BTLA: variants seen among roughly 807,000 people sequenced by gnomAD.
The protein encoded by BTLA is B- and T-lymphocyte attenuator.
A neutral mutation model predicts 25.0 loss-of-function variants in BTLA; 11 were observed. That is an observed-to-expected ratio of 0.44 (90% CI 0.28 to 0.73). The LOEUF is 0.73. Among genes scored for constraint, BTLA ranks in the 30% least tolerant of loss-of-function variants. BTLA has a pLI of 0.15. For synonymous variants in BTLA, 104 were observed against 119.8 expected, an observed-to-expected ratio of 0.87 and a Z score of 0.86; for missense variants, 282 against 332.8, an observed-to-expected ratio of 0.85 and a Z score of 1.19.
At chr3:112,490,612 C>T (rs932869450) in intron 1 of BTLA, among the ~76,000 whole-genome samples, 1 of 150,686 alleles carries the variant, frequency 6.6e-6, no homozygotes, top group Non-Finnish European at 1.5e-5. Context: ...TAAACACACA[C>T]ACACACACAC....
At chr3:112,483,186 T>C (rs1012282542) in intron 1 of BTLA, among the ~76,000 whole-genome samples, 11 of 148,478 alleles carry the variant, frequency 7.4e-5, no homozygotes, top group African/African-American at 2.5e-4. Context: ...TTCACTCTTG[T>C]TGCACAGGCT....
intron 1 of BTLA, among the ~76,000 whole-genome samples, chr3:112,490,142 G>A (rs2082372206): frequency 1.3e-5 from 2 of 152,186 alleles, no homozygotes; most frequent in Non-Finnish European, 2.9e-5. Flanking sequence ...GGTGACATGA[G>A]GTTAGGGTGG....
intron 1 of BTLA, among the ~76,000 whole-genome samples, chr3:112,497,787 A>G (rs1175844685): frequency 6.6e-6 from 1 of 152,222 alleles, no homozygotes; most frequent in Non-Finnish European, 1.5e-5. Flanking sequence ...AATTATAGAT[A>G]GACTTTCCAT....
chr3:112,486,048 C>T (rs1351487161), intron 1 of BTLA, among the ~76,000 whole-genome samples: 1 of 152,180 alleles, frequency 6.6e-6, no homozygotes, highest in African/African-American at 2.4e-5. Context: ...ACCCGCGAGG[C>T]GGAGCTTCCA....
chr3:112,473,016 C>A (rs1157442897), intron 2 of BTLA, among the ~76,000 whole-genome samples: 2 of 151,628 alleles, frequency 1.3e-5, no homozygotes, highest in African/African-American at 2.4e-5. Flanking sequence ...TCTTTAACCA[C>A]CAAAAAAACC....
In BTLA at chr3:112,466,955, CTTCTTTT is replaced by C. The variant is rs1430372714; in HGVS notation, c.595-579_595-573del. 8.5e-3 allele frequency among the ~76,000 whole-genome samples: 1,207 copies of C among 141,692 alleles called. 10 individuals are homozygous for C. The highest frequency in any genetic ancestry group is 0.012 in the East Asian group (55 of 4,782). 93.0% of individuals were successfully genotyped at this position (141,692 alleles called of 152,430 possible). On this transcript the variant is annotated intron_variant, in intron 4 of 4. Transcript: ENST00000334529. ...TTGTTATTCCTATCAAAAGAAAATT[CTTCTTTT>C]TTTTTTTTTTTTTTGAGACGGAGTC...
intron 1 of BTLA, among the ~76,000 whole-genome samples, chr3:112,495,448 C>T (rs908010114): frequency 1.3e-5 from 2 of 152,112 alleles, no homozygotes; most frequent in Admixed American, 6.5e-5. Context: ...GTCAACTTTA[C>T]AATAGAGGAA....
chr3:112,478,013 T>G (rs2082298394), intron 2 of BTLA, among the ~76,000 whole-genome samples: 3 of 151,966 alleles, frequency 2.0e-5, no homozygotes, highest in Admixed American at 1.3e-4. Context: ...TTCTTTTTTT[T>G]TTTTTTTAAC....
intron 1 of BTLA, among the ~76,000 whole-genome samples, chr3:112,493,454 G>GA (rs1363234581): frequency 6.6e-6 from 1 of 151,616 alleles, no homozygotes; most frequent in Admixed American, 6.6e-5. Context: ...AAGTTTACAA[G>GA]AAAAAAACAA....
At chr3:112,466,424 C>A in intron 4 of BTLA, 41 bp from the exon 5 acceptor site, 1 of 1,506,068 alleles carries the variant, frequency 6.6e-7, no homozygotes, top group South Asian at 1.4e-5. Flanking sequence ...ACACTTACGG[C>A]CATGGTAGTG....
chr3:112,484,300 C>T (rs1026217500), intron 1 of BTLA, among the ~76,000 whole-genome samples: 1 of 152,130 alleles, frequency 6.6e-6, no homozygotes, highest in Admixed American at 6.5e-5. Flanking sequence ...GCTTATCCAC[C>T]ATGAGAAAAT....
intron 1 of BTLA, among the ~76,000 whole-genome samples, chr3:112,489,357 A>G (rs947808409): frequency 6.6e-6 from 1 of 151,820 alleles, no homozygotes; most frequent in Admixed American, 6.6e-5. Context: ...CAGCCATTTA[A>G]AAAAAAAGAG....
Position 112,463,966 on chromosome 3 carries a change from T to A in BTLA, c.*2142A>T. 8.4e-6 allele frequency: 3 copies of A among 356,214 alleles called. No individual in the cohort carries two copies. The highest frequency in any genetic ancestry group is 5.0e-6 in the Non-Finnish European group (1 of 200,252). 22.1% of individuals were successfully genotyped at this position (356,214 alleles called of 1,614,324 possible). ...TTGGGGTACAAAATCAGATGCCAAA[T>A]TGATTTCAAATAAGTTTTAATAACT... On this transcript the variant is annotated 3_prime_UTR_variant, in exon 5 of 5. Coordinates refer to ENST00000334529, the MANE Select transcript of BTLA (RefSeq NM_181780.4).
At chr3:112,496,452 G>T (rs1435543003) in intron 1 of BTLA, among the ~76,000 whole-genome samples, 1 of 152,124 alleles carries the variant, frequency 6.6e-6, no homozygotes, top group Non-Finnish European at 1.5e-5. Flanking sequence ...TATATATGCA[G>T]CCTCACTCCT....
intron 2 of BTLA, among the ~76,000 whole-genome samples, chr3:112,473,345 G>T (rs2082272776): frequency 6.6e-6 from 1 of 151,960 alleles, no homozygotes; most frequent in South Asian, 2.1e-4. Context: ...AAATATCTGG[G>T]CTTATTTTGA....
intron 1 of BTLA, among the ~76,000 whole-genome samples, chr3:112,498,886 A>G (rs531502848): frequency 6.6e-6 from 1 of 152,312 alleles, no homozygotes; most frequent in East Asian, 1.9e-4. Flanking sequence ...TGAGCACTGC[A>G]GCACTCTACT....
At chr3:112,486,042 G>A (rs1304021290) in intron 1 of BTLA, among the ~76,000 whole-genome samples, 2 of 152,190 alleles carry the variant, frequency 1.3e-5, no homozygotes, top group Non-Finnish European at 2.9e-5. Context: ...GCGTGAACCC[G>A]CGAGGCGGAG....
intron 4 of BTLA, 100 bp from the exon 5 acceptor site, chr3:112,466,483 C>CA: frequency 1.8e-6 from 2 of 1,115,004 alleles, no homozygotes; most frequent in Non-Finnish European, 2.5e-6. Flanking sequence ...GAGTCATGTC[C>CA]ATTGTGAGAA....
At chr3:112,486,772 G>T (rs951910100) in intron 1 of BTLA, among the ~76,000 whole-genome samples, 1 of 152,132 alleles carries the variant, frequency 6.6e-6, no homozygotes, top group Admixed American at 6.5e-5. Flanking sequence ...AAATAAAGTT[G>T]CCAAGCCGAA....
Sources: allele counts gnomAD v4.1 joint callset (sites outside exome capture counted in the v4.1 genomes callset), GRCh38; gene constraint gnomAD v4.1.1; transcripts MANE v1.5; gene names NCBI Gene and HGNC (gene_info 2026-07-23, HGNC 2026-07-21).